The following TAF1A variants were observed in gnomAD, a reference collection of about 807,000 sequenced individuals.
TAF1A encodes the protein TATA-box binding protein associated factor, RNA polymerase I subunit A.
A neutral mutation model predicts 61.6 loss-of-function variants in TAF1A; 42 were observed. The observed-to-expected ratio is 0.68, with a 90% confidence interval of 0.53 to 0.88. The LOEUF is 0.88. TAF1A is among the 40% of genes least tolerant of loss of function. The probability of loss-of-function intolerance (pLI) is 0.00; values close to 1 mark genes in which losing one functional copy is unlikely to be tolerated. For synonymous variants in TAF1A, 179 were observed against 177.7 expected, an observed-to-expected ratio of 1.01 and a Z score of -0.06; for missense variants, 424 against 518.7, an observed-to-expected ratio of 0.82 and a Z score of 1.77.
intron 2 of TAF1A, among the ~76,000 whole-genome samples, 156 bp from the exon 3 acceptor site, chr1:222,584,453 C>T (rs764083433): frequency 1.7e-4 from 26 of 152,188 alleles, no homozygotes; most frequent in Non-Finnish European, 2.5e-4. Context: ...TTGAAACAAA[C>T]CCTTCTACAT....
rs535474375 is a variant in TAF1A at position 222,570,640 on chromosome 1, T to C, written c.630A>G (p.Ala210=). ...TGTGGTTGAACACATCCTGGGCTAC[T>C]GCATTGTAAGCATAATCATCCTTAT... ...KLDKDDYAYN[A]VAQDVFNHSW... Residue 210 remains alanine, a synonymous_variant, in exon 6 of 11, where the codon GCA becomes GCG. Transcript: ENST00000352967. 1 of 1,610,152 alleles carries C rather than the reference T, an allele frequency of 6.2e-7. No homozygotes were observed. Among genetic ancestry groups the C allele is most frequent in the African/African-American group, 1.3e-5 (1 of 74,998 alleles).
At chr1:222,583,943 C>G (rs981319765) in intron 3 of TAF1A, among the ~76,000 whole-genome samples, 185 bp downstream of exon 3, 2 of 151,976 alleles carry the variant, frequency 1.3e-5, no homozygotes, top group African/African-American at 4.8e-5. Flanking sequence ...ATTTTAGTCC[C>G]CTTTAAAATA....
downstream of TAF1A, among the ~76,000 whole-genome samples, chr1:222,554,827 T>C (rs891327692): frequency 1.3e-5 from 2 of 152,124 alleles, no homozygotes; most frequent in African/African-American, 4.8e-5. Context: ...TTTTATTTCT[T>C]TTTATGAGGG....
chr1:222,578,145 G>A (rs943877488), intron 4 of TAF1A, among the ~76,000 whole-genome samples: 9 of 152,176 alleles, frequency 5.9e-5, no homozygotes, highest in African/African-American at 2.2e-4. Flanking sequence ...AAGGGATGCT[G>A]AAGAATGGCT....
chr1:222,575,222 A>T (rs1037976665), intron 5 of TAF1A, among the ~76,000 whole-genome samples: 15 of 151,936 alleles, frequency 9.9e-5, no homozygotes, highest in South Asian at 2.1e-4. Context: ...ATGGAAAAAA[A>T]TTTTTTTTAA....
At chr1:222,576,352 G>A (rs1464742820) in intron 5 of TAF1A, among the ~76,000 whole-genome samples, 1 of 152,106 alleles carries the variant, frequency 6.6e-6, no homozygotes, top group African/African-American at 2.4e-5. Context: ...AGAGACCAAG[G>A]AAATACCACT....
intron 2 of TAF1A, among the ~76,000 whole-genome samples, chr1:222,587,222 T>C (rs979859875): frequency 1.3e-5 from 2 of 152,204 alleles, no homozygotes; most frequent in Admixed American, 1.3e-4. Context: ...TCATTATGCA[T>C]GAGATACTAT....
At chr1:222,565,993 C>A (rs1253000495) in intron 7 of TAF1A, among the ~76,000 whole-genome samples, 1 of 152,110 alleles carries the variant, frequency 6.6e-6, no homozygotes, top group Non-Finnish European at 1.5e-5. Context: ...GATAATTGGC[C>A]TTTTAAAAGA....
At chr1:222,559,711 T>C (rs1659836162) in intron 10 of TAF1A, among the ~76,000 whole-genome samples, 2 of 152,004 alleles carry the variant, frequency 1.3e-5, no homozygotes, top group Admixed American at 1.3e-4. Context: ...GGGGTCTCAC[T>C]ATGGGACACA....
chr1:222,582,078 T>C (rs1476746723), intron 3 of TAF1A, among the ~76,000 whole-genome samples: 1 of 152,244 alleles, frequency 6.6e-6, no homozygotes, highest in Non-Finnish European at 1.5e-5. Flanking sequence ...AAAATTTGTA[T>C]ACATTGAACC....
chr1:222,578,633 C>T (rs1048322229), intron 4 of TAF1A, among the ~76,000 whole-genome samples: 1 of 152,154 alleles, frequency 6.6e-6, no homozygotes, highest in Non-Finnish European at 1.5e-5. Context: ...TCAAGTATCA[C>T]TTTCATTCTT....
chr1:222,589,867 G>T lies in TAF1A; in HGVS notation c.-143C>A. 5.1e-6 allele frequency: 2 copies of T among 394,466 alleles called. No individual in the cohort carries two copies. The highest frequency in any genetic ancestry group is 4.5e-6 in the Non-Finnish European group (1 of 223,948). The allele number at this position is 394,466 out of a possible 1,614,324, so 24.4% of individuals were successfully genotyped here. On this transcript the variant is annotated 5_prime_UTR_variant, in exon 1 of 11. Coordinates refer to ENST00000352967, the MANE Select transcript of TAF1A (RefSeq NM_005681.4). ...CCTGGTTTAGGTATTTAGGCAGCGC[G>T]CGGCCCGGCTCGTAACTCCTCCTGC...
At position 222,564,041 on chromosome 1, in the gene TAF1A, A is replaced by G; in HGVS notation, c.961+18T>C. The G allele has an allele frequency of 6.8e-7, 1 of 1,473,964 alleles. No individual in the cohort carries two copies. Among genetic ancestry groups the G allele is most frequent in the Non-Finnish European group, 9.5e-7 (1 of 1,057,584 alleles). 91.3% of individuals were successfully genotyped at this position (1,473,964 alleles called of 1,614,324 possible). The stretch of plus-strand genomic sequence containing the variant: ...ATAGCTTGTCTACACAAGGTATAAA[A>G]CAACATTTATTTATTACCTGATTTT... On this transcript the variant is annotated intron_variant, in intron 8 of 10. Coordinates refer to ENST00000352967, the MANE Select transcript of TAF1A (RefSeq NM_005681.4).
chr1:222,557,182 T>G (rs561869515), downstream of TAF1A, among the ~76,000 whole-genome samples: 1 of 152,376 alleles, frequency 6.6e-6, no homozygotes, highest in South Asian at 2.1e-4. Flanking sequence ...GCTCTGAAGT[T>G]AGTGAGTCTT....
intron 4 of TAF1A, among the ~76,000 whole-genome samples, chr1:222,578,102 CAT>C (rs1032741136): frequency 1.3e-5 from 2 of 152,048 alleles, no homozygotes; most frequent in South Asian, 2.1e-4. Context: ...CTATTTTATA[CAT>C]GTTATATAAG....
At chr1:222,572,360 TTGTG>T (rs1660393697) in intron 5 of TAF1A, among the ~76,000 whole-genome samples, 1 of 152,124 alleles carries the variant, frequency 6.6e-6, no homozygotes, top group Non-Finnish European at 1.5e-5. Context: ...TAATTTTCTT[TTGTG>T]TGTGTGTAAG....
chr1:222,569,163 T>C lies in TAF1A; in HGVS notation c.894+347A>G. On this transcript the variant is annotated intron_variant, in intron 7 of 10. Transcript: ENST00000352967. ...TCTATATCATGATTACCATGGTGGTTCATGAATGTAACGCATCCAAGCACA... is the reference window on the plus strand; with the variant it reads ...TCTATATCATGATTACCATGGTGGTCCATGAATGTAACGCATCCAAGCACA... The C allele has an allele frequency of 3.7e-6, 3 of 811,036 alleles. No individual in the cohort carries two copies. The South Asian group carries it at 7.6e-5, about 21-fold the overall frequency. 50.2% of individuals were successfully genotyped at this position (811,036 alleles called of 1,614,324 possible).
chr1:222,588,322 CA>C (rs1661104335), intron 2 of TAF1A, 120 bp downstream of exon 2: 2 of 1,281,376 alleles, frequency 1.6e-6, no homozygotes, highest in Non-Finnish European at 2.1e-6. Flanking sequence ...GGCTTTTAGC[CA>C]AAAAACCCTC....
At chr1:222,563,720 C>A (rs550742348) in intron 8 of TAF1A, among the ~76,000 whole-genome samples, 2 of 152,320 alleles carry the variant, frequency 1.3e-5, no homozygotes, top group East Asian at 3.9e-4. Context: ...TGAAATGTAG[C>A]AGGGATTAAA....
Sources: gnomAD v4.1 joint callset for allele counts (sites outside exome capture counted in the v4.1 genomes callset) on GRCh38, gnomAD v4.1.1 for gene constraint, MANE v1.5 for transcripts, NCBI Gene and HGNC (gene_info 2026-07-23, HGNC 2026-07-21) for gene names.